Variants in MFSD6 observed in about 807,000 individuals in gnomAD.
MFSD6 encodes major facilitator superfamily domain containing 6.
In MFSD6, 26 loss-of-function variants were observed where a neutral mutation model predicts 56.3. The ratio of observed to expected loss-of-function variants is 0.46; its 90% CI spans 0.34 to 0.64. The LOEUF is 0.64. MFSD6 is among the 30% of genes least tolerant of loss of function. The probability of loss-of-function intolerance (pLI) is 0.01; values close to 1 mark genes in which losing one functional copy is unlikely to be tolerated. For missense variants in MFSD6, 750 were observed against 986.2 expected (o/e 0.76, Z 3.21); for synonymous variants, 331 against 366.9 (o/e 0.90, Z 1.12).
At chr2:190,448,699 C>A (rs1686670771) in intron 3 of MFSD6, among the ~76,000 whole-genome samples, 1 of 152,156 alleles carries the variant, frequency 6.6e-6, no homozygotes, top group South Asian at 2.1e-4. Flanking sequence ...TTCACAGTTG[C>A]CCTAGCTTTC....
chr2:190,473,814 A>G (rs1223068098), intron 4 of MFSD6, among the ~76,000 whole-genome samples: 4 of 152,206 alleles, frequency 2.6e-5, no homozygotes, highest in African/African-American at 9.7e-5. Context: ...CATAGTTGGA[A>G]GTAAAGCACT....
chr2:190,436,308 C>T lies in MFSD6; in HGVS notation c.279C>T (p.Tyr93=). Residue 93 remains tyrosine, a synonymous_variant, in exon 3 of 8, where the codon TAC becomes TAT. Coordinates refer to ENST00000392328, the MANE Select transcript of MFSD6 (RefSeq NM_017694.4). This position sits in a 1 kb window ranked among gnomAD's most constrained non-coding sequence, Gnocchi z 5.3. ...TCTATCCCCTTTTGCCTGTGTATTA[C>T]AAACAGCTGGGAATGTCTCCAAGCC... is the stretch of plus-strand genomic sequence containing the variant. The part of the protein sequence containing the change: ...GSLYPLLPVY[Y]KQLGMSPSQS... 1 of 1,614,178 alleles carries T rather than the reference C, an allele frequency of 6.2e-7. No individual in the cohort carries two copies. Among genetic ancestry groups the T allele is most frequent in the South Asian group, 1.1e-5 (1 of 91,082 alleles).
rs185010807 is a variant in MFSD6, at chr2:190,438,531, C to T, written c.1532+970C>T. ...ACTCCATCTAAAAAAAGAGAACACCCTGTAAGTGCCTAGTGTTTCTTGTTG... is the reference window on the plus strand; with the variant it reads ...ACTCCATCTAAAAAAAGAGAACACCTTGTAAGTGCCTAGTGTTTCTTGTTG... On this transcript the variant is annotated intron_variant, in intron 3 of 7. Transcript: ENST00000392328. The surrounding 1 kb of genome is among the most constrained non-coding windows in gnomAD (Gnocchi z 5.2). Among the ~76,000 whole-genome samples, 1 of 152,290 alleles carries T rather than the reference C, an allele frequency of 6.6e-6. No individual in the cohort carries two copies. Among genetic ancestry groups the T allele is most frequent in the East Asian group, 1.9e-4 (1 of 5,186 alleles).
At position 190,412,899 on chromosome 2, in the gene MFSD6, A is replaced by C. The variant is rs1241564369; in HGVS notation, c.-175-2393A>C. Among the ~76,000 whole-genome samples, 1 of 152,186 alleles carries C rather than the reference A, an allele frequency of 6.6e-6. No individual in the cohort carries two copies. The highest frequency in any genetic ancestry group is 1.9e-4 in the East Asian group (1 of 5,202). ...GGCATTGTCTCAAGTTGGCTGGGCA[A>C]CTTTTGGAATCTACCAGTCATTTGT... is the stretch of plus-strand genomic sequence containing the variant. On this transcript the variant is annotated intron_variant, in intron 1 of 7. Transcript: ENST00000392328. The surrounding 1 kb of genome is among the most constrained non-coding windows in gnomAD (Gnocchi z 4.1).
At chr2:190,475,273 T>C (rs981140670) in intron 4 of MFSD6, among the ~76,000 whole-genome samples, 2 of 152,162 alleles carry the variant, frequency 1.3e-5, no homozygotes, top group African/African-American at 4.8e-5. Flanking sequence ...GGAAGTCAAA[T>C]TATCCCTGTT....
Position 190,497,769 on chromosome 2 carries a change from T to G in MFSD6, c.2172+50T>G. The G allele has an allele frequency of 6.5e-7, 1 of 1,544,930 alleles. No individual in the cohort carries two copies. On this transcript the variant is annotated intron_variant, in intron 7 of 7. Transcript: ENST00000392328. This position sits in a 1 kb window ranked among gnomAD's most constrained non-coding sequence, Gnocchi z 5.2. ...AATATTACCTGTCACTCAAGATACC[T>G]TAACTGGGCTCAGTTTTAATTACTC... is the stretch of plus-strand genomic sequence containing the variant.
Position 190,434,055 on chromosome 2 carries a change from C to T in MFSD6, c.-53-1922C>T, listed in dbSNP as rs1253295003. Among the ~76,000 whole-genome samples the T allele has an allele frequency of 2.0e-5, 3 of 151,882 alleles. No individual in the cohort carries two copies. Among genetic ancestry groups the T allele is most frequent in the East Asian group, 3.9e-4 (2 of 5,166 alleles). ...AAAATTAGTTGGGCATGGTGGCACA[C>T]GTCTGTAGTCCTAGCTACTTAGGAG... is the stretch of plus-strand genomic sequence containing the variant. On this transcript the variant is annotated intron_variant, in intron 2 of 7. Coordinates refer to ENST00000392328, the MANE Select transcript of MFSD6 (RefSeq NM_017694.4). The surrounding 1 kb of genome is among the most constrained non-coding windows in gnomAD (Gnocchi z 4.3).
In MFSD6 at chr2:190,426,658, G is replaced by T. The variant is rs182721696; in HGVS notation, c.-53-9319G>T. On this transcript the variant is annotated intron_variant, in intron 2 of 7. Coordinates refer to ENST00000392328, the MANE Select transcript of MFSD6 (RefSeq NM_017694.4). The surrounding 1 kb of genome is among the most constrained non-coding windows in gnomAD (Gnocchi z 4.7). ...TCTCCCCACTTTTGGAGTCCCCAGT[G>T]TCTATTATTTCCAAATGATGGTTGT... Among the ~76,000 whole-genome samples the T allele has an allele frequency of 3.3e-5, 5 of 152,034 alleles. No individual in the cohort carries two copies. The highest frequency in any genetic ancestry group is 1.2e-4 in the African/African-American group (5 of 41,396).
Position 190,500,245 on chromosome 2 carries a change from C to G in MFSD6, c.*27C>G. 1.2e-6 allele frequency: 2 copies of G among 1,612,146 alleles called. No individual in the cohort carries two copies. Among genetic ancestry groups the G allele is most frequent in the Non-Finnish European group, 1.7e-6 (2 of 1,178,544 alleles). On this transcript the variant is annotated 3_prime_UTR_variant, in exon 8 of 8. Coordinates refer to ENST00000392328, the MANE Select transcript of MFSD6 (RefSeq NM_017694.4). The surrounding 1 kb of genome is among the most constrained non-coding windows in gnomAD (Gnocchi z 5.3). Reference sequence around the variant, plus strand: ...GGCATCCTGCTCATCTCACACCCTGCATGGAATCAGGCTCCTCAGCCAGGA... The same window carrying G: ...GGCATCCTGCTCATCTCACACCCTGGATGGAATCAGGCTCCTCAGCCAGGA...
At chr2:190,448,703 A>G (rs1326483719) in intron 3 of MFSD6, among the ~76,000 whole-genome samples, 1 of 152,216 alleles carries the variant, frequency 6.6e-6, no homozygotes, top group Non-Finnish European at 1.5e-5. Context: ...CAGTTGCCCT[A>G]GCTTTCTGGA....
Position 190,431,111 on chromosome 2 carries a change from G to A in MFSD6, c.-53-4866G>A, listed in dbSNP as rs1304602280. 6.7e-6 allele frequency among the ~76,000 whole-genome samples: 1 copy of A among 149,734 alleles called. No homozygotes were observed. Among genetic ancestry groups the A allele is most frequent in the Non-Finnish European group, 1.5e-5 (1 of 67,396 alleles). ...GCGCTCCTCACATCCCAGACAGGGC[G>A]GCGGGGCAGAGGCGCTCCCCACATC... On this transcript the variant is annotated intron_variant, in intron 2 of 7. Transcript: ENST00000392328. This position sits in a 1 kb window ranked among gnomAD's most constrained non-coding sequence, Gnocchi z 4.4.
At chr2:190,482,868 CTTTTTTTTTTTTT>C (rs199927176) in intron 4 of MFSD6, among the ~76,000 whole-genome samples, 36 of 48,290 alleles carry the variant, frequency 7.5e-4, no homozygotes, top group African/African-American at 1.9e-3. Flanking sequence ...AGACTATCAT[CTTTTTTTTTTTTT>C]TTTTTTTTTT....
chr2:190,427,716 G>T (rs1191202972), intron 2 of MFSD6, among the ~76,000 whole-genome samples: 1 of 147,614 alleles, frequency 6.8e-6, no homozygotes, highest in East Asian at 2.0e-4. Flanking sequence ...TCTTGGAAAA[G>T]AAGTCTACCA....
chr2:190,411,412 C>A lies in MFSD6; in HGVS notation c.-176+2909C>A. ...TGACCTCATGATTCCCCTGCCTAGG[C>A]CTCCCAAAGTGCTGGGATTACAGGC... On this transcript the variant is annotated intron_variant, in intron 1 of 7. Transcript: ENST00000392328. 4.6e-6 allele frequency: 4 copies of A among 876,262 alleles called. No homozygotes were observed. The South Asian group carries it at 2.1e-4, about 46-fold the overall frequency. 54.3% of individuals were successfully genotyped at this position (876,262 alleles called of 1,614,324 possible).
chr2:190,493,115 G>A (rs764078538), intron 6 of MFSD6, among the ~76,000 whole-genome samples: 22 of 151,972 alleles, frequency 1.4e-4, no homozygotes, highest in Non-Finnish European at 3.1e-4. Context: ...CACCAACCAA[G>A]TATCTGCTGC....
intron 4 of MFSD6, among the ~76,000 whole-genome samples, chr2:190,474,101 CA>C (rs1688129426): frequency 6.6e-6 from 1 of 151,998 alleles, no homozygotes; most frequent in Non-Finnish European, 1.5e-5. Flanking sequence ...TAAATGCCCA[CA>C]AGAGAAAGCA....
Position 190,467,526 on chromosome 2 carries a change from T to C in MFSD6, c.1533-2232T>C, listed in dbSNP as rs569884079. On this transcript the variant is annotated intron_variant, in intron 3 of 7. Coordinates refer to ENST00000392328, the MANE Select transcript of MFSD6 (RefSeq NM_017694.4). The surrounding 1 kb of genome is among the most constrained non-coding windows in gnomAD (Gnocchi z 5.5). Reference sequence around the variant, plus strand: ...TAGTCAGGAGGCTGAGGCGGGAGAATTGCTTGAACCTGGGAGGCGGAGGTT... The same window carrying C: ...TAGTCAGGAGGCTGAGGCGGGAGAACTGCTTGAACCTGGGAGGCGGAGGTT... Among the ~76,000 whole-genome samples, 3 of 152,180 alleles carry C rather than the reference T, an allele frequency of 2.0e-5. No homozygotes were observed. Among genetic ancestry groups the C allele is most frequent in the African/African-American group, 7.2e-5 (3 of 41,516 alleles).
At position 190,417,188 on chromosome 2, in the gene MFSD6, C is replaced by A. The variant is rs984893288; in HGVS notation, c.-54+1775C>A. Among the ~76,000 whole-genome samples the A allele has an allele frequency of 1.3e-5, 2 of 152,112 alleles. No homozygotes were observed. The highest frequency in any genetic ancestry group is 2.4e-5 in the African/African-American group (1 of 41,432). On this transcript the variant is annotated intron_variant, in intron 2 of 7. Transcript: ENST00000392328. This position sits in a 1 kb window ranked among gnomAD's most constrained non-coding sequence, Gnocchi z 5.7. ...TATTTCCAGATGTTATGAAAGGTCC[C>A]ATTAGATATAGTGAATTCATAAAGT... is the stretch of plus-strand genomic sequence containing the variant.
rs866419991 is a variant in MFSD6, at chr2:190,489,604, A to G, written c.1793-164A>G. Reference sequence around the variant, plus strand: ...GCCCTGGGTCTCTTGACACGTACCCAGCCCTGTGTTTTTCCATTATGTGGA... The same window carrying G: ...GCCCTGGGTCTCTTGACACGTACCCGGCCCTGTGTTTTTCCATTATGTGGA... On this transcript the variant is annotated intron_variant, in intron 5 of 7. Coordinates refer to ENST00000392328, the MANE Select transcript of MFSD6 (RefSeq NM_017694.4). The surrounding 1 kb of genome is among the most constrained non-coding windows in gnomAD (Gnocchi z 6.6). 2.0e-5 allele frequency among the ~76,000 whole-genome samples: 3 copies of G among 152,204 alleles called. No homozygotes were observed. The highest frequency in any genetic ancestry group is 4.1e-4 in the South Asian group (2 of 4,826).
Sources: allele counts gnomAD v4.1 joint callset (sites outside exome capture counted in the v4.1 genomes callset), GRCh38; gene constraint gnomAD v4.1.1; non-coding constraint Gnocchi (gnomAD v3.1); transcripts MANE v1.5; gene names NCBI Gene and HGNC (gene_info 2026-07-23, HGNC 2026-07-21).